AHCYL2: variants seen among roughly 807,000 people sequenced by gnomAD.
AHCYL2 encodes the protein adenosylhomocysteinase like 2, also known as S-adenosylhomocysteine hydrolase-like protein 2.
AHCYL2 carries 28 observed loss-of-function variants against 81.4 expected under a neutral mutation model. The ratio of observed to expected loss-of-function variants is 0.34; its 90% CI spans 0.25 to 0.47. AHCYL2 has a LOEUF of 0.47. AHCYL2 is among the 20% of genes least tolerant of loss of function. The probability of loss-of-function intolerance (pLI) is 1.00; values close to 1 mark genes in which losing one functional copy is unlikely to be tolerated. For synonymous variants in AHCYL2, 272 were observed against 290.2 expected, an observed-to-expected ratio of 0.94 and a Z score of 0.64; for missense variants, 551 against 785.1, an observed-to-expected ratio of 0.70 and a Z score of 3.56.
Position 129,239,920 on chromosome 7 carries a change from CCA to C in AHCYL2, c.363+14484_363+14485del, listed in dbSNP as rs201802343. On this transcript the variant is annotated intron_variant, in intron 1 of 16. Transcript: ENST00000325006. Reference sequence around the variant, plus strand: ...CTTCCCACACACAGAGACCCCATACCCACAGAGAGAACCCCACGGCTGGCCGG... The same window carrying C: ...CTTCCCACACACAGAGACCCCATACCCAGAGAGAACCCCACGGCTGGCCGG... Among the ~76,000 whole-genome samples the C allele has an allele frequency of 4.7e-3, 713 of 152,084 alleles. 6 individuals are homozygous for C. Among genetic ancestry groups the C allele is most frequent in the African/African-American group, 0.017 (686 of 41,518 alleles).
Position 129,368,433 on chromosome 7 carries a change from C to T in AHCYL2, c.364-11205C>T. On this transcript the variant is annotated intron_variant, in intron 1 of 16. Coordinates refer to ENST00000325006, the MANE Select transcript of AHCYL2 (RefSeq NM_015328.4). This position sits in a 1 kb window ranked among gnomAD's most constrained non-coding sequence, Gnocchi z 4.4. ...GTCTGCTTTGGGGCACTCAGATAAC[C>T]CCAGTATTTCCAAACCAGCTTTCCC... 6.2e-7 allele frequency: 1 copy of T among 1,613,306 alleles called. No individual in the cohort carries two copies. The highest frequency in any genetic ancestry group is 2.2e-5 in the East Asian group (1 of 44,870).
At chr7:129,329,330 G>A (rs922919187) in intron 1 of AHCYL2, among the ~76,000 whole-genome samples, 4 of 152,054 alleles carry the variant, frequency 2.6e-5, no homozygotes, top group African/African-American at 9.7e-5. Context: ...CAGGGCAAGT[G>A]CCACCATGCC....
intron 10 of AHCYL2, among the ~76,000 whole-genome samples, chr7:129,408,532 A>G (rs1796409089): frequency 6.6e-6 from 1 of 152,240 alleles, no homozygotes; most frequent in South Asian, 2.1e-4. Context: ...TTATGGGTGC[A>G]GAGAAAATAA....
chr7:129,258,862 A>G (rs763035924), intron 1 of AHCYL2, among the ~76,000 whole-genome samples: 36 of 152,200 alleles, frequency 2.4e-4, no homozygotes, highest in Non-Finnish European at 3.7e-4. Flanking sequence ...GGCAACCATT[A>G]TAATGTAAAT....
At chr7:129,290,230 A>G (rs932408291) in intron 1 of AHCYL2, among the ~76,000 whole-genome samples, 2 of 152,098 alleles carry the variant, frequency 1.3e-5, no homozygotes, top group Non-Finnish European at 1.5e-5. Context: ...GTGGCTGGGC[A>G]CGGTGGCTCA....
chr7:129,386,395 G>A (rs952051500), intron 2 of AHCYL2, among the ~76,000 whole-genome samples: 8 of 151,972 alleles, frequency 5.3e-5, no homozygotes, highest in Admixed American at 1.3e-4. Flanking sequence ...CCCAGGAGGC[G>A]GAGGTTGCAG....
At chr7:129,267,585 A>G (rs1795861136) in intron 1 of AHCYL2, among the ~76,000 whole-genome samples, 1 of 152,144 alleles carries the variant, frequency 6.6e-6, no homozygotes, top group African/African-American at 2.4e-5. Flanking sequence ...GATTAGAAGC[A>G]TGAGCCACTG....
intron 1 of AHCYL2, among the ~76,000 whole-genome samples, chr7:129,250,883 A>T (rs1385446445): frequency 6.6e-6 from 1 of 152,166 alleles, no homozygotes; most frequent in Admixed American, 6.5e-5. Context: ...TCAGTTTTTG[A>T]ATTAGTCAAA....
intron 1 of AHCYL2, among the ~76,000 whole-genome samples, chr7:129,280,708 G>C (rs541574574): frequency 2.6e-5 from 4 of 151,556 alleles, no homozygotes; most frequent in African/African-American, 9.7e-5. Context: ...TTTTTTTTTA[G>C]ATCCCCTTTA....
chr7:129,262,299 A>G (rs1563171025), intron 1 of AHCYL2, among the ~76,000 whole-genome samples: 1 of 152,254 alleles, frequency 6.6e-6, no homozygotes, highest in Non-Finnish European at 1.5e-5. Context: ...CGAAATGTAC[A>G]TTTTCAATAA....
At chr7:129,347,351 G>C (rs1158655110) in intron 1 of AHCYL2, among the ~76,000 whole-genome samples, 2 of 152,206 alleles carry the variant, frequency 1.3e-5, no homozygotes, top group Non-Finnish European at 2.9e-5. Flanking sequence ...TCTGGTGCAG[G>C]TTGTTGACAG....
chr7:129,319,802 G>A (rs952112104), intron 1 of AHCYL2, among the ~76,000 whole-genome samples: 1 of 152,122 alleles, frequency 6.6e-6, no homozygotes, highest in African/African-American at 2.4e-5. Flanking sequence ...TTTGTTATCA[G>A]GTTTACTGTT....
chr7:129,403,778 A>G (rs1008016968), intron 7 of AHCYL2, among the ~76,000 whole-genome samples: 1 of 147,788 alleles, frequency 6.8e-6, no homozygotes, highest in African/African-American at 2.5e-5. Flanking sequence ...GGAGAATGGC[A>G]TGAACCCAGG....
chr7:129,393,851 T>C lies in AHCYL2; in HGVS notation c.721-3371T>C, dbSNP rs138618253. 1.5e-3 allele frequency among the ~76,000 whole-genome samples: 233 copies of C among 152,326 alleles called. 3 individuals carry two copies. The East Asian group carries it at 0.018, about 11-fold the overall frequency. On this transcript the variant is annotated intron_variant, in intron 4 of 16. Transcript: ENST00000325006. ...ATGTCATTGTTCCCAGATCCTCTTT[T>C]TTCCCTCTCCATACATGTAACTGGA...
intron 1 of AHCYL2, among the ~76,000 whole-genome samples, chr7:129,304,626 A>G (rs1237000673): frequency 6.6e-6 from 1 of 152,220 alleles, no homozygotes; most frequent in Non-Finnish European, 1.5e-5. Context: ...CTTTATCATT[A>G]TATAATGACC....
chr7:129,386,767 T>C (rs922210741), intron 2 of AHCYL2, among the ~76,000 whole-genome samples: 1 of 152,146 alleles, frequency 6.6e-6, no homozygotes, highest in Non-Finnish European at 1.5e-5. Context: ...TGGGTAGAGT[T>C]AGGACTCCAG....
At chr7:129,317,617 C>T (rs979748883) in intron 1 of AHCYL2, among the ~76,000 whole-genome samples, 6 of 152,126 alleles carry the variant, frequency 3.9e-5, no homozygotes, top group Non-Finnish European at 7.3e-5. Context: ...GCACTACTAC[C>T]CCTGCCTTGC....
intron 1 of AHCYL2, among the ~76,000 whole-genome samples, chr7:129,229,061 C>CTTTTTT (rs59291148): frequency 6.9e-6 from 1 of 144,758 alleles, no homozygotes; most frequent in African/African-American, 2.6e-5. Flanking sequence ...AATAATTAGC[C>CTTTTTT]TTTTTTTTTT....
intron 1 of AHCYL2, among the ~76,000 whole-genome samples, chr7:129,361,279 C>A (rs1793921599): frequency 6.6e-6 from 1 of 152,192 alleles, no homozygotes; most frequent in South Asian, 2.1e-4. Context: ...CCAACACACA[C>A]CAGGTAACTC....
Sources: gnomAD v4.1 joint callset for allele counts (sites outside exome capture counted in the v4.1 genomes callset) on GRCh38, gnomAD v4.1.1 for gene constraint, Gnocchi (gnomAD v3.1) non-coding constraint, MANE v1.5 for transcripts, NCBI Gene and HGNC (gene_info 2026-07-23, HGNC 2026-07-21) for gene names.